Variants in ERC1 observed in about 807,000 individuals in gnomAD.
ERC1 encodes the protein RAB6 interacting protein 2.
Under a neutral mutation model 132.0 loss-of-function variants are expected in ERC1, and 56 were observed. The observed-to-expected ratio is 0.42, with a 90% confidence interval of 0.34 to 0.53. The LOEUF (loss-of-function observed/expected upper bound fraction) is 0.53. Ranked by LOEUF, ERC1 falls within the 20% of genes least tolerant of loss-of-function variation. The probability of loss-of-function intolerance (pLI) is 0.03; values close to 1 mark genes in which losing one functional copy is unlikely to be tolerated. For missense variants in ERC1, 1,202 were observed against 1,349.9 expected (o/e 0.89, Z 1.72); for synonymous variants, 478 against 476.1 (o/e 1.00, Z -0.05).
At chr12:1,183,240 T>G (rs1954683810) in intron 10 of ERC1, 41 bp from the exon 11 acceptor site, 5 of 1,388,062 alleles carry the variant, frequency 3.6e-6, no homozygotes, top group South Asian at 1.7e-5. Context: ...CCTCTATTTT[T>G]TTTAAAATTA....
At chr12:1,418,542 T>A (rs1048423659) in intron 17 of ERC1, among the ~76,000 whole-genome samples, 1 of 152,200 alleles carries the variant, frequency 6.6e-6, no homozygotes, top group African/African-American at 2.4e-5. Flanking sequence ...ATACACAGAT[T>A]TCCTTCTTTT....
chr12:1,199,844 C>T (rs1028430796), intron 12 of ERC1, among the ~76,000 whole-genome samples: 1 of 151,594 alleles, frequency 6.6e-6, no homozygotes, highest in African/African-American at 2.4e-5. Context: ...TCTGAGCATA[C>T]TAAGAACACC....
rs765763771 is a variant in ERC1, at chr12:1,236,873, A to G, written c.2456A>G (p.Asp819Gly). ...QMLEEARRRE[D>G]NLNDSSQQLQ... Reference sequence around the variant, plus strand: ...TTAGAGGAGGCGCGACGACGGGAGGACAATCTCAACGACAGCTCTCAGCAG... The same window carrying G: ...TTAGAGGAGGCGCGACGACGGGAGGGCAATCTCAACGACAGCTCTCAGCAG... The change falls in exon 13 of 19, where the codon GAC (aspartate) becomes GGC (glycine). Residue 819 changes from aspartate to glycine, a missense_variant. Coordinates refer to ENST00000360905, the MANE Select transcript of ERC1 (RefSeq NM_178040.4). 18 of 1,614,128 alleles carry G rather than the reference A, an allele frequency of 1.1e-5. No homozygotes were observed. The highest frequency in any genetic ancestry group is 1.4e-5 in the Non-Finnish European group (17 of 1,179,960).
At chr12:1,173,772 A>T (rs1013520766) in intron 8 of ERC1, among the ~76,000 whole-genome samples, 1 of 152,252 alleles carries the variant, frequency 6.6e-6, no homozygotes, top group Non-Finnish European at 1.5e-5. Flanking sequence ...GGTAACATTC[A>T]TTCTTCAGCT....
intron 15 of ERC1, among the ~76,000 whole-genome samples, chr12:1,313,279 T>C (rs929681483): frequency 6.6e-6 from 1 of 152,138 alleles, no homozygotes; most frequent in Non-Finnish European, 1.5e-5. Flanking sequence ...ACTAGATTTC[T>C]TCTTCTTACT....
chr12:1,192,263 G>C (rs1359213993), intron 12 of ERC1, among the ~76,000 whole-genome samples: 1 of 152,162 alleles, frequency 6.6e-6, no homozygotes, highest in Non-Finnish European at 1.5e-5. Flanking sequence ...GTAGATTTTA[G>C]TTTCACTTAT....
intron 4 of ERC1, among the ~76,000 whole-genome samples, chr12:1,106,829 G>A (rs1328696978): frequency 6.6e-6 from 1 of 152,160 alleles, no homozygotes; most frequent in Non-Finnish European, 1.5e-5. Context: ...TTACTTGGTG[G>A]CAATGGATGC....
chr12:1,195,115 G>C (rs1282732561), intron 12 of ERC1, among the ~76,000 whole-genome samples: 1 of 152,078 alleles, frequency 6.6e-6, no homozygotes. Flanking sequence ...CAACAACTTT[G>C]AGGCATAATT....
At chr12:1,138,090 ATAATC>A (rs1566059204) in intron 7 of ERC1, among the ~76,000 whole-genome samples, 2 of 96,300 alleles carry the variant, frequency 2.1e-5, no homozygotes, top group African/African-American at 4.1e-5. Flanking sequence ...TATATAATAT[ATAATC>A]CATATTATAA....
At chr12:1,430,825 CG>C (rs1565423538) in intron 17 of ERC1, 1 of 152,278 alleles carries the variant, frequency 6.6e-6, no homozygotes, top group Non-Finnish European at 1.5e-5. Context: ...GGGAGGTATA[CG>C]GGGCAGAGTA....
At chr12:1,336,476 T>A (rs983495772) in intron 15 of ERC1, among the ~76,000 whole-genome samples, 7 of 152,234 alleles carry the variant, frequency 4.6e-5, no homozygotes, top group Non-Finnish European at 8.8e-5. Flanking sequence ...TTCAAAGAAC[T>A]TCTTGATTTC....
At chr12:1,279,857 A>C (rs1350360190) in intron 14 of ERC1, among the ~76,000 whole-genome samples, 2 of 151,854 alleles carry the variant, frequency 1.3e-5, no homozygotes, top group African/African-American at 4.8e-5. Flanking sequence ...CACCATGCCC[A>C]GCTAATTTTT....
intron 8 of ERC1, among the ~76,000 whole-genome samples, chr12:1,156,662 G>A (rs953974425): frequency 3.9e-5 from 6 of 152,008 alleles, no homozygotes; most frequent in Non-Finnish European, 5.9e-5. Flanking sequence ...TGATTTACAC[G>A]GAGAATGTTT....
rs187270050 is a variant in ERC1, at chr12:1,454,862, A to T, written c.3213+10112A>T. Among the ~76,000 whole-genome samples, 10 of 152,312 alleles carry T rather than the reference A, an allele frequency of 6.6e-5. No homozygotes were observed. The East Asian group carries it at 1.9e-3, about 29-fold the overall frequency. On this transcript the variant is annotated intron_variant, in intron 18 of 18. Transcript: ENST00000360905. ...CTCATACTACTTAGGCTGTCAGTTC[A>T]TTATTACTTACTGAACTCAGGCCCT...
intron 18 of ERC1, among the ~76,000 whole-genome samples, chr12:1,466,434 T>G (rs941892190): frequency 4.6e-5 from 7 of 152,196 alleles, no homozygotes; most frequent in African/African-American, 1.7e-4. Context: ...TCTGAGGTTC[T>G]GGTGATTTAG....
intron 15 of ERC1, among the ~76,000 whole-genome samples, chr12:1,304,853 G>GCA (rs2080736337): frequency 7.4e-6 from 1 of 135,288 alleles, no homozygotes; most frequent in South Asian, 2.4e-4. Flanking sequence ...ACAGTGGCGT[G>GCA]ATCTCGGCTC....
chr12:1,180,811 G>A, intron 9 of ERC1, 134 bp downstream of exon 9: 1 of 1,073,304 alleles, frequency 9.3e-7, no homozygotes, highest in Non-Finnish European at 1.3e-6. Flanking sequence ...GACATACGTA[G>A]TGTGAAGGGA....
intron 11 of ERC1, among the ~76,000 whole-genome samples, chr12:1,187,383 T>G (rs1223684192): frequency 6.6e-6 from 1 of 152,092 alleles, no homozygotes; most frequent in Non-Finnish European, 1.5e-5. Context: ...TGATTTATTT[T>G]GTCTTTAAAG....
intron 17 of ERC1, among the ~76,000 whole-genome samples, chr12:1,433,804 T>C (rs899029045): frequency 3.9e-5 from 6 of 152,020 alleles, no homozygotes; most frequent in Non-Finnish European, 8.8e-5. Flanking sequence ...TTCCTCAAAA[T>C]TGTATGTTGT....
Sources: allele counts gnomAD v4.1 joint callset (sites outside exome capture counted in the v4.1 genomes callset), GRCh38; gene constraint gnomAD v4.1.1; transcripts MANE v1.5; gene names NCBI Gene and HGNC (gene_info 2026-07-23, HGNC 2026-07-21).